COMMD10: variants seen among roughly 807,000 people sequenced by gnomAD.
The protein encoded by COMMD10 is COMM domain containing 10.
In COMMD10, 33 loss-of-function variants were observed where a neutral mutation model predicts 28.9. That is an observed-to-expected ratio of 1.14 (90% confidence interval 0.87 to 1.53). The LOEUF (loss-of-function observed/expected upper bound fraction) is 1.53, where lower values mean the gene tolerates loss of function less well. Among genes scored for constraint, COMMD10 ranks in the 40% most tolerant of loss-of-function variants. COMMD10 has a pLI of 0.00. For missense variants in COMMD10, 310 were observed against 233.4 expected (o/e 1.33, Z -2.14); for synonymous variants, 110 against 81.7 (o/e 1.35, Z -1.87).
At chr5:116,262,475 C>A (rs552819279) in intron 5 of COMMD10, among the ~76,000 whole-genome samples, 1 of 151,602 alleles carries the variant, frequency 6.6e-6, no homozygotes, top group Non-Finnish European at 1.5e-5. Flanking sequence ...ATTACCAATA[C>A]TATACCAAGA....
At chr5:116,160,295 T>C (rs1391650748) in intron 5 of COMMD10, among the ~76,000 whole-genome samples, 3 of 152,216 alleles carry the variant, frequency 2.0e-5, no homozygotes, top group Non-Finnish European at 4.4e-5. Context: ...TTTTAAAAAA[T>C]ATAAATTTAC....
intron 5 of COMMD10, among the ~76,000 whole-genome samples, chr5:116,193,409 C>T (rs1245678045): frequency 6.6e-6 from 1 of 152,192 alleles, no homozygotes; most frequent in African/African-American, 2.4e-5. Flanking sequence ...AAACTATCTG[C>T]TGCCTTCAGG....
chr5:116,138,504 A>G (rs781568075), intron 5 of COMMD10, among the ~76,000 whole-genome samples: 1 of 151,752 alleles, frequency 6.6e-6, no homozygotes, highest in African/African-American at 2.4e-5. Context: ...AAATTTTGCT[A>G]TTAATCTTAG....
intron 4 of COMMD10, among the ~76,000 whole-genome samples, chr5:116,131,382 G>A (rs1561620471): frequency 6.6e-6 from 1 of 151,282 alleles, no homozygotes; most frequent in East Asian, 1.9e-4. Flanking sequence ...AGGTGGGAGG[G>A]GTATGTGTGT....
intron 5 of COMMD10, among the ~76,000 whole-genome samples, chr5:116,179,224 A>G (rs183007906): frequency 1.3e-5 from 2 of 152,286 alleles, no homozygotes; most frequent in Admixed American, 1.3e-4. Flanking sequence ...TTAATGTACG[A>G]TTAAGTGATA....
chr5:116,165,694 C>G (rs1459972835), intron 5 of COMMD10, among the ~76,000 whole-genome samples: 1 of 149,838 alleles, frequency 6.7e-6, no homozygotes, highest in East Asian at 1.9e-4. Context: ...CTTATTGTTT[C>G]TTTTTCTTTT....
intron 5 of COMMD10, among the ~76,000 whole-genome samples, chr5:116,286,538 C>A (rs1250983521): frequency 1.3e-5 from 2 of 151,456 alleles, no homozygotes; most frequent in African/African-American, 4.9e-5. Context: ...CACTCCATCC[C>A]AAAATTTTGG....
chr5:116,114,573 G>A (rs1267949870), intron 4 of COMMD10, among the ~76,000 whole-genome samples: 1 of 152,180 alleles, frequency 6.6e-6, no homozygotes, highest in African/African-American at 2.4e-5. Context: ...TCCAGATCCT[G>A]CATTGTGTCT....
intron 5 of COMMD10, among the ~76,000 whole-genome samples, chr5:116,254,718 G>A (rs368985369): frequency 6.6e-6 from 1 of 151,666 alleles, no homozygotes; most frequent in Non-Finnish European, 1.5e-5. Context: ...TTACTTCCAA[G>A]TATGTGGTCA....
intron 5 of COMMD10, among the ~76,000 whole-genome samples, chr5:116,226,922 C>G (rs752893828): frequency 3.9e-5 from 6 of 152,020 alleles, no homozygotes; most frequent in African/African-American, 1.4e-4. Flanking sequence ...ATTAAACACT[C>G]TTTTTCAGAC....
intron 4 of COMMD10, among the ~76,000 whole-genome samples, chr5:116,122,958 A>G (rs1308332054): frequency 2.0e-5 from 3 of 151,902 alleles, no homozygotes; most frequent in Non-Finnish European, 4.4e-5. Flanking sequence ...TCCTAACTGA[A>G]TACCCTTTAT....
At position 116,197,151 on chromosome 5, in the gene COMMD10, T is replaced by G. The variant is rs562701764; in HGVS notation, c.510+62973T>G. On this transcript the variant is annotated intron_variant, in intron 5 of 6. Transcript: ENST00000274458. The stretch of plus-strand genomic sequence containing the variant: ...TGGGGTTGCCTCATCAAATTTTGCA[T>G]AGCCTACATTACAATCATAGAATCT... Among the ~76,000 whole-genome samples the G allele has an allele frequency of 6.6e-5, 10 of 152,258 alleles. No homozygotes were observed. The South Asian group carries it at 2.1e-3, about 32-fold the overall frequency.
At chr5:116,117,187 G>C (rs999415784) in intron 4 of COMMD10, among the ~76,000 whole-genome samples, 11 of 152,020 alleles carry the variant, frequency 7.2e-5, no homozygotes, top group African/African-American at 2.7e-4. Flanking sequence ...ATGTATGTTT[G>C]GGTTTTTTAC....
chr5:116,129,236 A>G (rs1016338324), intron 4 of COMMD10, among the ~76,000 whole-genome samples: 8 of 150,980 alleles, frequency 5.3e-5, no homozygotes, highest in African/African-American at 1.9e-4. Context: ...CTGATTCACC[A>G]ATTGTTTACA....
intron 5 of COMMD10, among the ~76,000 whole-genome samples, chr5:116,141,760 C>G (rs1439028016): frequency 6.6e-6 from 1 of 151,666 alleles, no homozygotes; most frequent in African/African-American, 2.4e-5. Context: ...TCTTTTTAAG[C>G]TAGGTCATTA....
At chr5:116,167,135 C>G (rs577460488) in intron 5 of COMMD10, among the ~76,000 whole-genome samples, 2 of 151,464 alleles carry the variant, frequency 1.3e-5, no homozygotes, top group South Asian at 2.1e-4. Context: ...ATTAAAATAA[C>G]CAGTTTAGAG....
At chr5:116,169,982 T>TGG (rs1753266678) in intron 5 of COMMD10, among the ~76,000 whole-genome samples, 1 of 152,110 alleles carries the variant, frequency 6.6e-6, no homozygotes, top group Non-Finnish European at 1.5e-5. Flanking sequence ...TGGGAAGCCC[T>TGG]GGCCAGGGCA....
At chr5:116,242,541 A>T (rs1749840550) in intron 5 of COMMD10, among the ~76,000 whole-genome samples, 1 of 152,186 alleles carries the variant, frequency 6.6e-6, no homozygotes, top group Admixed American at 6.5e-5. Context: ...CTCAAGGTTC[A>T]GTAGCTAGTG....
At chr5:116,214,648 T>C (rs540949137) in intron 5 of COMMD10, among the ~76,000 whole-genome samples, 2 of 152,268 alleles carry the variant, frequency 1.3e-5, no homozygotes, top group Admixed American at 6.5e-5. Context: ...TGAATTGCAT[T>C]GAAATCTCTT....
Sources: gnomAD v4.1 joint callset for allele counts (sites outside exome capture counted in the v4.1 genomes callset) on GRCh38, gnomAD v4.1.1 for gene constraint, MANE v1.5 for transcripts, NCBI Gene and HGNC (gene_info 2026-07-23, HGNC 2026-07-21) for gene names.